RNF150: variants seen among roughly 807,000 people sequenced by gnomAD.
RNF150 encodes ring finger protein 150.
Under a neutral mutation model 39.3 loss-of-function variants are expected in RNF150, and 24 were observed. That is an observed-to-expected ratio of 0.61 (90% confidence interval 0.44 to 0.86). The LOEUF (loss-of-function observed/expected upper bound fraction) is 0.86. Ranked by LOEUF, RNF150 falls within the 40% of genes least tolerant of loss-of-function variation. The pLI is 0.00. For synonymous variants in RNF150, 255 were observed against 227.3 expected (o/e 1.12, Z -1.10); for missense variants, 502 against 587.8 (o/e 0.85, Z 1.51).
chr4:140,938,622 C>T (rs1006088111), intron 4 of RNF150, among the ~76,000 whole-genome samples: 3 of 152,176 alleles, frequency 2.0e-5, no homozygotes, highest in Admixed American at 6.5e-5. Context: ...GGTGTGGGCA[C>T]TGTGCTGTCA....
chr4:141,177,073 A>C (rs866168638), intron 1 of RNF150, among the ~76,000 whole-genome samples: 2 of 147,658 alleles, frequency 1.4e-5, no homozygotes, highest in African/African-American at 5.3e-5. Context: ...AAAAAAAAAA[A>C]ACAAAGAAAA....
chr4:140,957,986 A>G (rs1579003469), intron 2 of RNF150, among the ~76,000 whole-genome samples: 1 of 152,032 alleles, frequency 6.6e-6, no homozygotes, highest in Non-Finnish European at 1.5e-5. Flanking sequence ...TGGCACATGT[A>G]TACATATGTA....
chr4:140,927,381 T>A (rs1451707252), intron 4 of RNF150, among the ~76,000 whole-genome samples: 1 of 152,130 alleles, frequency 6.6e-6, no homozygotes, highest in Non-Finnish European at 1.5e-5. Context: ...TGGGGCCTGG[T>A]GGGAGGTGAT....
At chr4:141,031,964 A>T (rs1735963209) in intron 1 of RNF150, among the ~76,000 whole-genome samples, 1 of 152,076 alleles carries the variant, frequency 6.6e-6, no homozygotes, top group Non-Finnish European at 1.5e-5. Context: ...ATATAAAATT[A>T]ACCAAAGTAT....
intron 1 of RNF150, among the ~76,000 whole-genome samples, chr4:141,207,304 G>A (rs1728390152): frequency 6.6e-6 from 1 of 152,100 alleles, no homozygotes; most frequent in South Asian, 2.1e-4. Flanking sequence ...CAATCTAATT[G>A]CATGAGCCCT....
In RNF150 at chr4:140,955,158, T is replaced by C. The variant is rs141972918; in HGVS notation, c.736-5786A>G. On this transcript the variant is annotated intron_variant, in intron 2 of 6. Coordinates refer to ENST00000515673, the MANE Select transcript of RNF150 (RefSeq NM_020724.2). ...TAATGATCCTTCCAGGACTGGTTGA[T>C]ATGATAGAAGTCATAGCACAGCCAG... Among the ~76,000 whole-genome samples, 773 of 152,348 alleles carry C rather than the reference T, an allele frequency of 5.1e-3. 6 individuals are homozygous for C. Among genetic ancestry groups the C allele is most frequent in the African/African-American group, 0.017 (726 of 41,582 alleles).
At chr4:140,873,726 G>A (rs1729042151) in intron 6 of RNF150, among the ~76,000 whole-genome samples, 2 of 152,158 alleles carry the variant, frequency 1.3e-5, no homozygotes, top group African/African-American at 4.8e-5. Flanking sequence ...TGCCCAAGCT[G>A]AGTGCAGTGG....
intron 1 of RNF150, among the ~76,000 whole-genome samples, chr4:141,169,401 A>G (rs1727662755): frequency 6.6e-6 from 1 of 152,164 alleles, no homozygotes; most frequent in South Asian, 2.1e-4. Context: ...TCTTTTATTT[A>G]TAAATTGCCC....
intron 1 of RNF150, among the ~76,000 whole-genome samples, chr4:141,017,244 T>C (rs1735312965): frequency 2.0e-5 from 3 of 152,176 alleles, no homozygotes; most frequent in African/African-American, 7.2e-5. Flanking sequence ...TTTCCTAAAC[T>C]CCTACTTCTG....
intron 1 of RNF150, among the ~76,000 whole-genome samples, chr4:140,977,721 T>G (rs1733716199): frequency 6.6e-6 from 1 of 152,208 alleles, no homozygotes; most frequent in Non-Finnish European, 1.5e-5. Context: ...AATTTAATTT[T>G]ACTTCAATCA....
rs1438565894 is a variant in RNF150, at chr4:140,861,479, TG to T, written c.*6781del. 6.6e-6 allele frequency: 1 copy of T among 152,224 alleles called. No homozygotes were observed. The highest frequency in any genetic ancestry group is 1.5e-5 in the Non-Finnish European group (1 of 68,044). The allele number at this position is 152,224 out of a possible 1,614,324, so 9.4% of individuals were successfully genotyped here. A position where few individuals can be genotyped will look rare whatever the true frequency, so the allele number is the denominator to read the frequency against. Reference sequence around the variant, plus strand: ...AATTGTATGATGAAAGGCAAGTAACTGGTTGTTGAATTCATGACCCAAGTCA... The same window carrying T: ...AATTGTATGATGAAAGGCAAGTAACTGTTGTTGAATTCATGACCCAAGTCA... On this transcript the variant is annotated 3_prime_UTR_variant, in exon 7 of 7. Transcript: ENST00000515673.
intron 1 of RNF150, among the ~76,000 whole-genome samples, chr4:141,149,322 T>G (rs1329620733): frequency 6.6e-6 from 1 of 152,134 alleles, no homozygotes; most frequent in Non-Finnish European, 1.5e-5. Flanking sequence ...TCTGAGATTT[T>G]GGTGCACCCA....
intron 4 of RNF150, among the ~76,000 whole-genome samples, chr4:140,939,630 GTGTGTGTGTGTGT>G (rs1732002195): frequency 6.7e-6 from 1 of 148,956 alleles, no homozygotes; most frequent in African/African-American, 2.5e-5. Context: ...GTGTGTGTGT[GTGTGTGTGTGTGT>G]GTGTGTGTGT....
intron 1 of RNF150, among the ~76,000 whole-genome samples, chr4:141,149,413 A>G (rs1727259594): frequency 6.6e-6 from 1 of 152,124 alleles, no homozygotes; most frequent in Non-Finnish European, 1.5e-5. Flanking sequence ...AGAGTCCCCA[A>G]AGTCCAATAT....
At chr4:140,952,199 G>C (rs1419953787) in intron 2 of RNF150, among the ~76,000 whole-genome samples, 1 of 151,932 alleles carries the variant, frequency 6.6e-6, no homozygotes, top group Non-Finnish European at 1.5e-5. Context: ...ATTTTTAGTA[G>C]AGATGGGTTT....
intron 6 of RNF150, among the ~76,000 whole-genome samples, chr4:140,879,009 A>G (rs987213034): frequency 1.3e-5 from 2 of 152,164 alleles, no homozygotes; most frequent in African/African-American, 4.8e-5. Context: ...ATTTTTTGAC[A>G]CTATCCTTCC....
At chr4:141,122,344 T>C (rs919567476) in intron 1 of RNF150, among the ~76,000 whole-genome samples, 6 of 152,224 alleles carry the variant, frequency 3.9e-5, no homozygotes, top group Admixed American at 6.5e-5. Flanking sequence ...GCTGCCAAAA[T>C]AGTGTAGCTT....
intron 1 of RNF150, among the ~76,000 whole-genome samples, chr4:141,011,661 C>A (rs1735079803): frequency 6.6e-6 from 1 of 152,144 alleles, no homozygotes; most frequent in African/African-American, 2.4e-5. Context: ...TTAAATGAAA[C>A]CATTTATGTA....
chr4:140,926,552 C>A (rs1731405928), intron 4 of RNF150, among the ~76,000 whole-genome samples: 1 of 152,144 alleles, frequency 6.6e-6, no homozygotes, highest in Non-Finnish European at 1.5e-5. Flanking sequence ...TGAAAGCATT[C>A]AGTAACACCA....
Sources: allele counts gnomAD v4.1 joint callset (sites outside exome capture counted in the v4.1 genomes callset), GRCh38; gene constraint gnomAD v4.1.1; transcripts MANE v1.5; gene names NCBI Gene and HGNC (gene_info 2026-07-23, HGNC 2026-07-21).